The following DET1 variants were observed in gnomAD, a reference collection of about 807,000 sequenced individuals.
DET1 encodes DET1 partner of COP1 E3 ubiquitin ligase.
A neutral mutation model predicts 43.7 loss-of-function variants in DET1; 22 were observed. The ratio of observed to expected loss-of-function variants is 0.50; its 90% CI spans 0.36 to 0.72. The LOEUF (loss-of-function observed/expected upper bound fraction) is 0.72, where lower values mean the gene tolerates loss of function less well. Ranked by LOEUF, DET1 falls within the 30% of genes least tolerant of loss-of-function variation. DET1 has a pLI of 0.00. For synonymous variants in DET1, 315 were observed against 266.2 expected (o/e 1.18, Z -1.79); for missense variants, 713 against 713.3 (o/e 1.00, Z 0.00).
At chr15:88,511,556 T>G (rs2056201440), downstream of DET1, 5 of 985,560 alleles carry the variant, frequency 5.1e-6, no homozygotes, top group Non-Finnish European at 6.0e-6. Context: ...TTTTTCTTTT[T>G]CTGCCCTTCC....
At chr15:88,521,160 T>C (rs1355385087) in intron 3 of DET1, among the ~76,000 whole-genome samples, 4 of 152,240 alleles carry the variant, frequency 2.6e-5, no homozygotes, top group African/African-American at 9.6e-5. Context: ...CCAGCCACCC[T>C]GGCCTTCTTG....
In DET1 at chr15:88,512,767, T is replaced by C. The variant is rs969470894; in HGVS notation, c.*184A>G. On this transcript the variant is annotated 3_prime_UTR_variant, in exon 5 of 5. Coordinates refer to ENST00000268148, the MANE Select transcript of DET1 (RefSeq NM_001144074.3). ...ATTATAACAATCAGTAGCAGTATTG[T>C]ATACAATTTAAAAATTCCATTAGGT... 22 of 1,389,626 alleles carry C rather than the reference T, an allele frequency of 1.6e-5. No homozygotes were observed. Among genetic ancestry groups the C allele is most frequent in the Non-Finnish European group, 1.9e-5 (20 of 1,073,912 alleles). 86.1% of individuals were successfully genotyped at this position (1,389,626 alleles called of 1,614,324 possible).
chr15:88,516,806 T>C lies in DET1; in HGVS notation c.1439A>G (p.Lys480Arg). Residue 480 changes from lysine to arginine, a missense_variant, in exon 4 of 5, where the codon AAG (lysine) becomes AGG (arginine). Physicochemically the swap from Lys to Arg is conservative, Grantham distance 26. Coordinates refer to ENST00000268148, the MANE Select transcript of DET1 (RefSeq NM_001144074.3). The surrounding 1 kb of genome is among the most constrained non-coding windows in gnomAD (Gnocchi z 4.4). The stretch of plus-strand genomic sequence containing the variant: ...CCTGATTGGGTGATCTCCACAAGTC[T>C]TGGGCCGCTCCATGACAGATACCCA... ...DKWVSVMERPKTCGDHPIRFY... is the reference protein window; with the variant it reads ...DKWVSVMERPRTCGDHPIRFY... 6.3e-7 allele frequency: 1 copy of C among 1,599,012 alleles called. No homozygotes were observed. The highest frequency in any genetic ancestry group is 8.5e-7 in the Non-Finnish European group (1 of 1,174,604).
intron 3 of DET1, among the ~76,000 whole-genome samples, chr15:88,524,037 C>T (rs6496495): frequency 0.69 from 100,998 of 146,644 alleles, 34,983 homozygotes; most frequent in South Asian, 0.79. Flanking sequence ...AAGTGAGGAG[C>T]GTCTCTGCCC....
chr15:88,520,508 G>C (rs987964809), intron 3 of DET1, among the ~76,000 whole-genome samples: 1 of 152,184 alleles, frequency 6.6e-6, no homozygotes, highest in Non-Finnish European at 1.5e-5. Context: ...GAAACTATGA[G>C]ATATCTCTAC....
chr15:88,512,438 T>C (rs2056218035), downstream of DET1: 5 of 985,662 alleles, frequency 5.1e-6, no homozygotes, highest in Middle Eastern at 5.2e-4. Context: ...TTGAAAGCAT[T>C]GAGTATGATA....
At chr15:88,510,597 C>G (rs576891451), downstream of DET1, among the ~76,000 whole-genome samples, 105 of 152,238 alleles carry the variant, frequency 6.9e-4, 3 homozygotes, top group South Asian at 0.021. Context: ...TACTGACTTA[C>G]AAGACTGCAA....
intron 4 of DET1, among the ~76,000 whole-genome samples, chr15:88,515,119 A>G (rs1327781981): frequency 1.3e-5 from 2 of 152,220 alleles, no homozygotes; most frequent in Non-Finnish European, 2.9e-5. Context: ...TAAGAAATAC[A>G]GTAAATACTA....
chr15:88,524,871 G>A (rs1452513525), intron 3 of DET1, among the ~76,000 whole-genome samples: 1 of 152,082 alleles, frequency 6.6e-6, no homozygotes, highest in Non-Finnish European at 1.5e-5. Context: ...ATGTTTATCT[G>A]CTGACCTTCC....
chr15:88,536,320 T>A, intron 1 of DET1: 1 of 779,216 alleles, frequency 1.3e-6, no homozygotes, highest in Non-Finnish European at 2.4e-6. Flanking sequence ...ACCTTTTTAG[T>A]ATCTGTCCCA....
chr15:88,519,410 A>G (rs1163224386), intron 3 of DET1, among the ~76,000 whole-genome samples: 2 of 151,766 alleles, frequency 1.3e-5, no homozygotes, highest in African/African-American at 4.8e-5. Context: ...TGCTTATTCC[A>G]CAGTCACACC....
chr15:88,505,996 G>A (rs77956887), intron 7 of DET1, among the ~76,000 whole-genome samples: 3,435 of 152,158 alleles, frequency 0.023, 95 homozygotes, highest in African/African-American at 0.078. Flanking sequence ...CTAGAGAAGC[G>A]GCAAGCTTAT....
Position 88,531,424 on chromosome 15 carries a change from C to A in DET1, c.282G>T (p.Glu94Asp). 2 of 1,613,996 alleles carry A rather than the reference C, an allele frequency of 1.2e-6. No individual in the cohort carries two copies. The highest frequency in any genetic ancestry group is 1.7e-6 in the Non-Finnish European group (2 of 1,179,886). ...IYEYQGCQAA[E>D]DLLQGYEGEI... ...CTCCTTCGTATCCCTGCAGTAGGTC[C>A]TCTGCTGCCTGGCAGCCCTGGTACT... The change falls in exon 2 of 5, where the codon GAG becomes GAT. Residue 94 changes from glutamate to aspartate, a missense_variant. Glu to Asp is a conservative substitution (Grantham distance 45). Coordinates refer to ENST00000268148, the MANE Select transcript of DET1 (RefSeq NM_001144074.3). The surrounding 1 kb of genome is among the most constrained non-coding windows in gnomAD (Gnocchi z 6.2).
Position 88,531,658 on chromosome 15 carries a change from T to C in DET1, c.48A>G (p.Gln16=), listed in dbSNP as rs369239160. The change falls in exon 2 of 5, where the codon CAA becomes CAG. Residue 16 remains glutamine (Q), a synonymous_variant. Coordinates refer to ENST00000268148, the MANE Select transcript of DET1 (RefSeq NM_001144074.3). This position sits in a 1 kb window ranked among gnomAD's most constrained non-coding sequence, Gnocchi z 6.2. ...STIKPRRIQN[Q]NVIHRLERRR... is the part of the protein sequence containing the mutation. ...GGCGTTCCAAGCGGTGAATGACATT[T>C]TGGTTTTGGATTCTTCGAGGCTTGA... 66 of 1,613,122 alleles carry C rather than the reference T, an allele frequency of 4.1e-5. No individual in the cohort carries two copies. The highest frequency in any genetic ancestry group is 5.3e-5 in the Non-Finnish European group (63 of 1,179,200).
intron 3 of DET1, among the ~76,000 whole-genome samples, chr15:88,520,506 G>C (rs527269227): frequency 5.7e-4 from 87 of 152,264 alleles, no homozygotes; most frequent in African/African-American, 1.9e-3. Context: ...GAGAAACTAT[G>C]AGATATCTCT....
chr15:88,514,974 T>C (rs755395107), intron 4 of DET1, among the ~76,000 whole-genome samples: 39 of 152,322 alleles, frequency 2.6e-4, no homozygotes, highest in South Asian at 8.3e-4. Context: ...TCATATCAGA[T>C]AAGGCCCATC....
chr15:88,512,539 G>C lies in DET1; in HGVS notation c.*412C>G. 1.0e-6 allele frequency: 1 copy of C among 991,282 alleles called. No individual in the cohort carries two copies. Among genetic ancestry groups the C allele is most frequent in the African/African-American group, 1.7e-5 (1 of 57,570 alleles). The allele number at this position is 991,282 out of a possible 1,614,324, so 61.4% of individuals were successfully genotyped here. A position where few individuals can be genotyped will look rare whatever the true frequency, so the allele number is the denominator to read the frequency against. ...CTTAAAAAGATAGCCGTGCTTATGA[G>C]CTAAATGGAAAGGATGTATGTCATT... On this transcript the variant is annotated 3_prime_UTR_variant, in exon 5 of 5. Coordinates refer to ENST00000268148, the MANE Select transcript of DET1 (RefSeq NM_001144074.3).
intron 1 of DET1, among the ~76,000 whole-genome samples, chr15:88,544,207 C>T (rs147739830): frequency 0.02 from 3,037 of 152,250 alleles, 42 homozygotes; most frequent in Middle Eastern, 0.054. Context: ...CTCCATTGTG[C>T]CTATCGACCC....
At chr15:88,544,520 C>T (rs1304579818) in intron 1 of DET1, among the ~76,000 whole-genome samples, 3 of 152,176 alleles carry the variant, frequency 2.0e-5, no homozygotes, top group Non-Finnish European at 2.9e-5. Context: ...GGAAACCATC[C>T]CAATCCAATT....
Sources: gnomAD v4.1 joint callset for allele counts (sites outside exome capture counted in the v4.1 genomes callset) on GRCh38, gnomAD v4.1.1 for gene constraint, Gnocchi (gnomAD v3.1) non-coding constraint, MANE v1.5 for transcripts, NCBI Gene and HGNC (gene_info 2026-07-23, HGNC 2026-07-21) for gene names.